The following RGS6 variants were observed in gnomAD, a reference collection of about 807,000 sequenced individuals.
RGS6 encodes the protein regulator of G-protein signaling 6.
A neutral mutation model predicts 78.5 loss-of-function variants in RGS6; 30 were observed. The ratio of observed to expected loss-of-function variants is 0.38; its 90% CI spans 0.29 to 0.52. The LOEUF is 0.52. Among genes scored for constraint, RGS6 ranks in the 20% least tolerant of loss-of-function variants. RGS6 has a pLI of 0.85. For missense variants in RGS6, 495 were observed against 609.7 expected (o/e 0.81, Z 1.98); for synonymous variants, 206 against 206.0 (o/e 1.00, Z 0.00).
At chr14:72,245,674 C>A (rs1344525897) in intron 2 of RGS6, among the ~76,000 whole-genome samples, 1 of 152,204 alleles carries the variant, frequency 6.6e-6, no homozygotes, top group Non-Finnish European at 1.5e-5. Flanking sequence ...GGACATGTTA[C>A]ATTGCTGCAG....
the RGS6 span, among the ~76,000 whole-genome samples, chr14:72,587,486 T>C: frequency 6.6e-6 from 1 of 152,198 alleles, no homozygotes; most frequent in African/African-American, 2.4e-5. Context: ...GCATTTCTCC[T>C]GGCCCATTTC....
chr14:72,420,499 G>A (rs2094115272), intron 3 of RGS6, among the ~76,000 whole-genome samples: 1 of 152,188 alleles, frequency 6.6e-6, no homozygotes, highest in African/African-American at 2.4e-5. Flanking sequence ...GTCTGGTATA[G>A]TATGATTCCT....
chr14:72,005,157 T>G (rs528985885), intron 2 of RGS6, among the ~76,000 whole-genome samples: 2 of 152,322 alleles, frequency 1.3e-5, no homozygotes, highest in Admixed American at 6.5e-5. Context: ...GTACTTCTAA[T>G]GAGAGAAGCC....
intron 17 of RGS6, among the ~76,000 whole-genome samples, chr14:72,561,832 A>G (rs2097680403): frequency 1.3e-5 from 2 of 152,226 alleles, no homozygotes; most frequent in African/African-American, 2.4e-5. Flanking sequence ...TGGGGCCTAC[A>G]GTGGCTCTGA....
At chr14:72,069,172 C>T (rs2094306531) in intron 2 of RGS6, among the ~76,000 whole-genome samples, 1 of 151,960 alleles carries the variant, frequency 6.6e-6, no homozygotes, top group Non-Finnish European at 1.5e-5. Flanking sequence ...GGGGTTTCAC[C>T]ACGTTGGCCA....
intron 10 of RGS6, among the ~76,000 whole-genome samples, chr14:72,476,267 A>G (rs1373613874): frequency 1.3e-5 from 2 of 152,248 alleles, no homozygotes; most frequent in Non-Finnish European, 1.5e-5. Context: ...CTGCTGACCA[A>G]CGGAAATGTA....
the RGS6 span, among the ~76,000 whole-genome samples, chr14:71,912,868 C>A: frequency 2.0e-5 from 3 of 151,998 alleles, no homozygotes; most frequent in South Asian, 2.1e-4. Flanking sequence ...CTCTGTCACC[C>A]AGGCTGGAGT....
the RGS6 span, among the ~76,000 whole-genome samples, chr14:71,922,702 A>G: frequency 1.2e-4 from 18 of 152,300 alleles, no homozygotes; most frequent in South Asian, 3.1e-3. Flanking sequence ...ATATCTCCTT[A>G]GTCTCCTTCA....
intron 2 of RGS6, among the ~76,000 whole-genome samples, chr14:72,151,662 T>TG (rs1366789976): frequency 1.3e-5 from 2 of 151,890 alleles, no homozygotes; most frequent in Non-Finnish European, 2.9e-5. Context: ...GGGAGGAGAG[T>TG]GGGTCTGTTC....
At chr14:72,409,386 T>C (rs746381354) in intron 3 of RGS6, among the ~76,000 whole-genome samples, 1 of 152,170 alleles carries the variant, frequency 6.6e-6, no homozygotes, top group Non-Finnish European at 1.5e-5. Context: ...TAGAGGTTAG[T>C]TGGAGGTTTC....
At position 72,454,129 on chromosome 14, in the gene RGS6, G is replaced by C. The variant is rs372094701; in HGVS notation, c.185-399G>C. On this transcript the variant is annotated intron_variant, in intron 3 of 17. Coordinates refer to ENST00000553525, the MANE Select transcript of RGS6 (RefSeq NM_001204424.2). The stretch of plus-strand genomic sequence containing the variant: ...CTGTGCCGGAAGAGATGAGAGTTTT[G>C]CAAGAACCTATGAGGTCACCTGTGT... 2.6e-4 allele frequency among the ~76,000 whole-genome samples: 39 copies of C among 152,326 alleles called. 2 individuals carry two copies. In the South Asian group the frequency reaches 8.1e-3, roughly 32 times the overall value.
intron 2 of RGS6, among the ~76,000 whole-genome samples, chr14:72,314,490 C>T (rs1362064037): frequency 6.6e-6 from 1 of 152,202 alleles, no homozygotes; most frequent in Non-Finnish European, 1.5e-5. Context: ...GAGTTTCTAG[C>T]TATAGAAATG....
intron 2 of RGS6, among the ~76,000 whole-genome samples, chr14:72,091,484 GC>G (rs1321651205): frequency 6.6e-6 from 1 of 152,154 alleles, no homozygotes; most frequent in Non-Finnish European, 1.5e-5. Context: ...GATGAGCTGA[GC>G]TCCACTTCTC....
At chr14:72,163,940 G>A (rs1344853900) in intron 2 of RGS6, among the ~76,000 whole-genome samples, 3 of 151,876 alleles carry the variant, frequency 2.0e-5, no homozygotes, top group Non-Finnish European at 4.4e-5. Flanking sequence ...GTGAGGTTAT[G>A]GAAGGAGAAT....
At chr14:72,539,528 A>G (rs1008972253) in intron 16 of RGS6, among the ~76,000 whole-genome samples, 1 of 152,148 alleles carries the variant, frequency 6.6e-6, no homozygotes, top group South Asian at 2.1e-4. Flanking sequence ...AGGCAGACTC[A>G]TGGATGAGTA....
chr14:72,184,427 AAG>A (rs1269151888), intron 2 of RGS6, among the ~76,000 whole-genome samples: 2 of 143,530 alleles, frequency 1.4e-5, no homozygotes, highest in Non-Finnish European at 1.5e-5. Flanking sequence ...GAGGGAGAGA[AAG>A]AGAGAGAAGC....
At chr14:71,918,156 GCT>G in the RGS6 span, among the ~76,000 whole-genome samples, 4 of 119,794 alleles carry the variant, frequency 3.3e-5, no homozygotes, top group Admixed American at 2.4e-4. Flanking sequence ...ACTCCAGCCT[GCT>G]GGGTGACAGA....
intron 2 of RGS6, among the ~76,000 whole-genome samples, chr14:72,172,392 G>T (rs2097034832): frequency 6.6e-6 from 1 of 151,532 alleles, no homozygotes; most frequent in Non-Finnish European, 1.5e-5. Flanking sequence ...CTGTTTGGGG[G>T]ATTACAAAAA....
chr14:72,102,445 G>A (rs2095547361), intron 2 of RGS6, among the ~76,000 whole-genome samples: 1 of 152,202 alleles, frequency 6.6e-6, no homozygotes, highest in South Asian at 2.1e-4. Context: ...GACCAAGCTG[G>A]AGGGTTTTTT....
Sources: gnomAD v4.1 joint callset for allele counts (sites outside exome capture counted in the v4.1 genomes callset) on GRCh38, gnomAD v4.1.1 for gene constraint, MANE v1.5 for transcripts, NCBI Gene and HGNC (gene_info 2026-07-23, HGNC 2026-07-21) for gene names.